NFIB: variants seen among roughly 807,000 people sequenced by gnomAD.
The protein encoded by NFIB is nuclear factor I B.
NFIB carries 11 observed loss-of-function variants against 61.5 expected under a neutral mutation model. The ratio of observed to expected loss-of-function variants is 0.18; its 90% CI spans 0.11 to 0.30. NFIB has a LOEUF of 0.30. Ranked by LOEUF, NFIB falls within the 10% of genes least tolerant of loss-of-function variation. The pLI is 1.00. For synonymous variants in NFIB, 260 were observed against 216.5 expected (o/e 1.20, Z -1.76); for missense variants, 471 against 608.9 (o/e 0.77, Z 2.38).
chr9:14,224,323 A>G (rs946870645), intron 2 of NFIB, among the ~76,000 whole-genome samples: 1 of 152,228 alleles, frequency 6.6e-6, no homozygotes, highest in Non-Finnish European at 1.5e-5. Flanking sequence ...TTGGAAGACC[A>G]TGATGATCTT....
At chr9:14,338,400 A>G (rs56263459) in intron 1 of NFIB, among the ~76,000 whole-genome samples, 1 of 25,364 alleles carries the variant, frequency 3.9e-5, no homozygotes, top group African/African-American at 5.2e-5. Context: ...TCTCAAAAAA[A>G]AAAAAGAAAA....
chr9:14,308,880 GCAGT>G (rs1407828680), intron 1 of NFIB, among the ~76,000 whole-genome samples: 3 of 152,166 alleles, frequency 2.0e-5, no homozygotes, highest in African/African-American at 7.2e-5. Context: ...ACTTCCCAGT[GCAGT>G]CAGTTTCGTT....
the NFIB span, among the ~76,000 whole-genome samples, chr9:14,519,264 G>A: frequency 6.6e-6 from 1 of 152,164 alleles, no homozygotes; most frequent in Admixed American, 6.5e-5. Context: ...TGAGTGCCAG[G>A]AAGAGAAGTT....
At chr9:14,226,007 T>C (rs918258206) in intron 2 of NFIB, among the ~76,000 whole-genome samples, 2 of 152,220 alleles carry the variant, frequency 1.3e-5, no homozygotes, top group Non-Finnish European at 2.9e-5. Flanking sequence ...TTAATTATTA[T>C]AGTCTTTAAT....
the NFIB span, among the ~76,000 whole-genome samples, chr9:14,487,047 C>A: frequency 6.6e-6 from 1 of 152,046 alleles, no homozygotes; most frequent in Non-Finnish European, 1.5e-5. Context: ...CACTCTCTAA[C>A]CATCAACATT....
intron 2 of NFIB, among the ~76,000 whole-genome samples, chr9:14,208,562 CTTT>C (rs35510277): frequency 7.2e-6 from 1 of 139,426 alleles, no homozygotes; most frequent in Middle Eastern, 3.8e-3. Flanking sequence ...CTTAAAAGAG[CTTT>C]TTTTTTTTTT....
chr9:14,396,504 G>C (rs923200506), intron 1 of NFIB, among the ~76,000 whole-genome samples: 5 of 151,938 alleles, frequency 3.3e-5, no homozygotes, highest in Non-Finnish European at 4.4e-5. Flanking sequence ...TTACTTTTTG[G>C]TGTATTATAG....
intron 2 of NFIB, among the ~76,000 whole-genome samples, chr9:14,274,905 G>C (rs879368472): frequency 3.3e-5 from 5 of 152,164 alleles, no homozygotes; most frequent in Non-Finnish European, 7.4e-5. Flanking sequence ...GATTTCTTAA[G>C]AAATCCAAGT....
chr9:14,093,837 G>T (rs1200671311), intron 10 of NFIB, among the ~76,000 whole-genome samples: 1 of 152,058 alleles, frequency 6.6e-6, no homozygotes, highest in African/African-American at 2.4e-5. Context: ...TGAAAAAAAT[G>T]CTCGCTCAGA....
intron 2 of NFIB, among the ~76,000 whole-genome samples, chr9:14,225,873 T>A (rs2052344454): frequency 6.6e-6 from 1 of 152,228 alleles, no homozygotes; most frequent in Non-Finnish European, 1.5e-5. Flanking sequence ...TATATAACAT[T>A]TTGTCATTCT....
chr9:14,430,115 T>C, the NFIB span, among the ~76,000 whole-genome samples: 4 of 152,196 alleles, frequency 2.6e-5, no homozygotes, highest in Non-Finnish European at 5.9e-5. Context: ...CCCACTATAC[T>C]GGAGGGAGCA....
the NFIB span, among the ~76,000 whole-genome samples, chr9:14,448,546 G>C: frequency 6.6e-6 from 1 of 152,166 alleles, no homozygotes; most frequent in Non-Finnish European, 1.5e-5. Context: ...GCTATTCAGA[G>C]GAAATGCTTT....
intron 4 of NFIB, among the ~76,000 whole-genome samples, chr9:14,155,199 A>G (rs150071074): frequency 6.6e-6 from 1 of 152,334 alleles, no homozygotes; most frequent in African/African-American, 2.4e-5. Context: ...TAAAAGAGTT[A>G]ATCAAGGTAA....
At chr9:14,460,096 T>C in the NFIB span, among the ~76,000 whole-genome samples, 6 of 152,026 alleles carry the variant, frequency 3.9e-5, no homozygotes, top group Non-Finnish European at 7.4e-5. Context: ...CTATTCACAA[T>C]AGCAAAAACT....
chr9:14,446,195 A>C, the NFIB span, among the ~76,000 whole-genome samples: 1 of 152,266 alleles, frequency 6.6e-6, no homozygotes, highest in East Asian at 1.9e-4. Context: ...TTATGTTTTC[A>C]GTTTCACAAT....
At chr9:14,251,360 C>T (rs2055595630) in intron 2 of NFIB, among the ~76,000 whole-genome samples, 1 of 152,186 alleles carries the variant, frequency 6.6e-6, no homozygotes, top group Non-Finnish European at 1.5e-5. Context: ...GACTGCCCAT[C>T]ATTCTTTTAG....
the NFIB span, among the ~76,000 whole-genome samples, chr9:14,493,437 T>C: frequency 6.6e-6 from 1 of 152,212 alleles, no homozygotes. Context: ...TGTAACTCTA[T>C]CATTAGATCT....
chr9:14,407,152 A>G, the NFIB span, among the ~76,000 whole-genome samples: 18 of 152,310 alleles, frequency 1.2e-4, no homozygotes, highest in Non-Finnish European at 2.2e-4. Context: ...TCGCAACTAA[A>G]AAACCTTCCT....
chr9:14,102,670 G>A (rs1315274622), intron 10 of NFIB, among the ~76,000 whole-genome samples: 1 of 150,922 alleles, frequency 6.6e-6, no homozygotes, highest in Non-Finnish European at 1.5e-5. Flanking sequence ...TCTTATTCTT[G>A]AAAAGCAAAA....
Sources: allele counts gnomAD v4.1 joint callset (sites outside exome capture counted in the v4.1 genomes callset), GRCh38; gene constraint gnomAD v4.1.1; transcripts MANE v1.5; gene names NCBI Gene and HGNC (gene_info 2026-07-23, HGNC 2026-07-21).